The following ZBTB20 variants were observed in gnomAD, a reference collection of about 807,000 sequenced individuals.
The protein encoded by ZBTB20 is zinc finger and BTB domain containing 20, also known as zinc finger and BTB domain-containing protein 20.
In ZBTB20, 9 loss-of-function variants were observed where a neutral mutation model predicts 56.9. The observed-to-expected ratio is 0.16, with a 90% CI of 0.10 to 0.28. The LOEUF (loss-of-function observed/expected upper bound fraction) is 0.28, where lower values mean the gene tolerates loss of function less well. Among genes scored for constraint, ZBTB20 ranks in the 10% least tolerant of loss-of-function variants. The probability of loss-of-function intolerance (pLI) is 1.00; values close to 1 mark genes in which losing one functional copy is unlikely to be tolerated. For missense variants in ZBTB20, 655 were observed against 1,003.0 expected, an observed-to-expected ratio of 0.65 and a Z score of 4.69; for synonymous variants, 417 against 420.7, an observed-to-expected ratio of 0.99 and a Z score of 0.11.
intron 4 of ZBTB20, among the ~76,000 whole-genome samples, chr3:114,858,463 A>G (rs1187148215): frequency 6.6e-6 from 1 of 151,938 alleles, no homozygotes; most frequent in Non-Finnish European, 1.5e-5. Flanking sequence ...TCCATTTTAC[A>G]TTTTCTCTTT....
chr3:114,851,874 C>T (rs559969494), intron 4 of ZBTB20, among the ~76,000 whole-genome samples: 1 of 151,990 alleles, frequency 6.6e-6, no homozygotes, highest in Non-Finnish European at 1.5e-5. Flanking sequence ...TCTGTAATGC[C>T]TCTTAAGCAA....
Position 114,887,551 on chromosome 3 carries a change from T to C in ZBTB20, c.-417+12753A>G, listed in dbSNP as rs192147426. Among the ~76,000 whole-genome samples the C allele has an allele frequency of 5.3e-3, 810 of 152,208 alleles. 2 individuals are homozygous for C. Among genetic ancestry groups the C allele is most frequent in the Non-Finnish European group, 9.0e-3 (609 of 68,006 alleles). ...GGGACACATACAGAGGGGAAGGTGC[T>C]GTAAAGATGAAGGCAGAGTTTGACG... is the stretch of plus-strand genomic sequence containing the variant. On this transcript the variant is annotated intron_variant, in intron 4 of 11. Coordinates refer to ENST00000675478, the MANE Select transcript of ZBTB20 (RefSeq NM_001348800.3).
At chr3:114,468,135 A>G (rs747856209) in intron 7 of ZBTB20, among the ~76,000 whole-genome samples, 9 of 152,260 alleles carry the variant, frequency 5.9e-5, no homozygotes, top group Non-Finnish European at 1.2e-4. Flanking sequence ...ACTCAAAGCC[A>G]ACACAGAAAC....
chr3:114,579,037 A>G (rs1246891977), intron 6 of ZBTB20, among the ~76,000 whole-genome samples: 1 of 151,820 alleles, frequency 6.6e-6, no homozygotes. Context: ...CCTTTTTTAT[A>G]CTAAGAAGAA....
At chr3:114,698,206 A>G (rs2063168849) in intron 5 of ZBTB20, among the ~76,000 whole-genome samples, 1 of 152,130 alleles carries the variant, frequency 6.6e-6, no homozygotes. Flanking sequence ...CTCCTTTAAA[A>G]ATACATAAAG....
Position 114,323,284 on chromosome 3 carries a change from G to GT in ZBTB20, c.*15720dup, listed in dbSNP as rs2078958874. On this transcript the variant is annotated 3_prime_UTR_variant, in exon 12 of 12. Coordinates refer to ENST00000675478, the MANE Select transcript of ZBTB20 (RefSeq NM_001348800.3). ...AGGATAGTCTATGATGGAGCAGCTA[G>GT]TATGTTCTAATCCATCCTCCAATGT... 6.6e-6 allele frequency: 1 copy of GT among 152,202 alleles called. No homozygotes were observed. Among genetic ancestry groups the GT allele is most frequent in the Admixed American group, 6.5e-5 (1 of 15,270 alleles). The allele number at this position is 152,202 out of a possible 1,614,324, so 9.4% of individuals were successfully genotyped here.
intron 7 of ZBTB20, among the ~76,000 whole-genome samples, chr3:114,477,846 T>C (rs1559844609): frequency 6.6e-6 from 1 of 151,576 alleles, no homozygotes; most frequent in Non-Finnish European, 1.5e-5. Flanking sequence ...TTTCTTTTCT[T>C]TTTTCTTTTC....
intron 6 of ZBTB20, among the ~76,000 whole-genome samples, chr3:114,550,654 TG>T (rs1162849193): frequency 3.9e-5 from 6 of 152,242 alleles, no homozygotes; most frequent in African/African-American, 1.4e-4. Flanking sequence ...TCTTATTTTC[TG>T]GTTCCATTCT....
chr3:114,988,477 C>A (rs2078652087), intron 2 of ZBTB20, among the ~76,000 whole-genome samples: 2 of 151,968 alleles, frequency 1.3e-5, no homozygotes, highest in African/African-American at 4.8e-5. Context: ...ATATGTGCCA[C>A]ATTTTCTTAA....
At chr3:114,907,640 T>A (rs1365512103) in intron 3 of ZBTB20, among the ~76,000 whole-genome samples, 2 of 151,902 alleles carry the variant, frequency 1.3e-5, no homozygotes, top group African/African-American at 4.8e-5. Context: ...ATCGTCTTCA[T>A]GAGGGCTAGA....
At chr3:114,558,695 G>A (rs144307720) in intron 6 of ZBTB20, among the ~76,000 whole-genome samples, 302 of 152,198 alleles carry the variant, frequency 2.0e-3, no homozygotes, top group Middle Eastern at 6.8e-3. Context: ...TTCTTTCAAT[G>A]TGACATTAGA....
At chr3:114,782,431 T>C (rs1032648682) in intron 5 of ZBTB20, among the ~76,000 whole-genome samples, 2 of 152,222 alleles carry the variant, frequency 1.3e-5, no homozygotes, top group Non-Finnish European at 2.9e-5. Context: ...CTAGCTATTA[T>C]GGTACTGACA....
At chr3:114,603,781 A>G (rs1204099878) in intron 6 of ZBTB20, among the ~76,000 whole-genome samples, 1 of 151,998 alleles carries the variant, frequency 6.6e-6, no homozygotes, top group Non-Finnish European at 1.5e-5. Context: ...GACATTAAAC[A>G]TATTAAAAAA....
At chr3:114,413,632 G>A (rs1433799479) in intron 7 of ZBTB20, among the ~76,000 whole-genome samples, 1 of 152,076 alleles carries the variant, frequency 6.6e-6, no homozygotes, top group Non-Finnish European at 1.5e-5. Flanking sequence ...AGAAAGTAGG[G>A]ACTAACTATA....
chr3:114,794,957 G>A (rs2071240021), intron 5 of ZBTB20, among the ~76,000 whole-genome samples: 1 of 151,736 alleles, frequency 6.6e-6, no homozygotes, highest in African/African-American at 2.4e-5. Context: ...TACATTCTAG[G>A]AACAAAACAC....
intron 6 of ZBTB20, among the ~76,000 whole-genome samples, chr3:114,679,505 A>T (rs11720911): frequency 0.057 from 8,738 of 152,206 alleles, 337 homozygotes; most frequent in Middle Eastern, 0.13. Flanking sequence ...AAAGAAGATA[A>T]TTATGCGGCC....
intron 6 of ZBTB20, among the ~76,000 whole-genome samples, chr3:114,599,019 T>G (rs550725862): frequency 2.0e-5 from 3 of 152,234 alleles, no homozygotes; most frequent in African/African-American, 7.2e-5. Flanking sequence ...GCTATATACC[T>G]TCTTAGACAC....
intron 4 of ZBTB20, among the ~76,000 whole-genome samples, chr3:114,893,922 G>A (rs2074747099): frequency 1.3e-5 from 2 of 152,156 alleles, no homozygotes; most frequent in African/African-American, 4.8e-5. Context: ...AGCCTTCGAA[G>A]ACAATTGTCA....
At chr3:114,988,204 G>A (rs1265140974) in intron 2 of ZBTB20, among the ~76,000 whole-genome samples, 3 of 148,252 alleles carry the variant, frequency 2.0e-5, no homozygotes, top group Admixed American at 1.4e-4. Context: ...CCATTAACTC[G>A]TCATTTACAT....
Sources: allele counts gnomAD v4.1 joint callset (sites outside exome capture counted in the v4.1 genomes callset), GRCh38; gene constraint gnomAD v4.1.1; transcripts MANE v1.5; gene names NCBI Gene and HGNC (gene_info 2026-07-23, HGNC 2026-07-21).